Variants in ZFAT observed in about 807,000 individuals in gnomAD.
The protein encoded by ZFAT is zinc finger and AT-hook domain containing.
Under a neutral mutation model 117.7 loss-of-function variants are expected in ZFAT, and 64 were observed. The observed-to-expected ratio is 0.54, with a 90% CI of 0.44 to 0.67. The LOEUF is 0.67. Among genes scored for constraint, ZFAT ranks in the 30% least tolerant of loss-of-function variants. ZFAT has a pLI of 0.00. For missense variants in ZFAT, 1,433 were observed against 1,584.5 expected, an observed-to-expected ratio of 0.90 and a Z score of 1.62; for synonymous variants, 679 against 615.0, an observed-to-expected ratio of 1.10 and a Z score of -1.54.
intron 11 of ZFAT, 80 bp downstream of exon 11, chr8:134,565,253 G>T (rs1318247181): frequency 6.3e-7 from 1 of 1,599,790 alleles, no homozygotes. Flanking sequence ...AACAATGAAA[G>T]AATGCTCTCT....
intron 15 of ZFAT, among the ~76,000 whole-genome samples, chr8:134,487,181 T>C (rs1313322742): frequency 6.6e-6 from 1 of 152,130 alleles, no homozygotes; most frequent in Non-Finnish European, 1.5e-5. Context: ...CACTTGTGTA[T>C]CTCCATCTTT....
the ZFAT span, chr8:134,798,187 TC>T: frequency 6.6e-6 from 1 of 152,010 alleles, no homozygotes; most frequent in Non-Finnish European, 1.5e-5. Flanking sequence ...GCTAAATAAT[TC>T]ATGCCAAATG....
At chr8:134,714,430 T>C (rs955897064), upstream of ZFAT, among the ~76,000 whole-genome samples, 2 of 152,170 alleles carry the variant, frequency 1.3e-5, no homozygotes, top group South Asian at 2.1e-4. Context: ...GCCTGTTGCA[T>C]AGTCATATTA....
chr8:134,556,021 A>T (rs866266610), intron 11 of ZFAT, among the ~76,000 whole-genome samples: 3 of 107,374 alleles, frequency 2.8e-5, no homozygotes, highest in Non-Finnish European at 3.7e-5. Flanking sequence ...GGAGGGAAGG[A>T]GGGAGGGAGA....
chr8:134,654,769 G>A (rs539837870), intron 2 of ZFAT, among the ~76,000 whole-genome samples: 6 of 152,352 alleles, frequency 3.9e-5, no homozygotes, highest in South Asian at 2.1e-4. Context: ...GGACACACAC[G>A]GAAGGGGCTG....
chr8:134,635,449 C>T (rs1393426308), intron 3 of ZFAT, among the ~76,000 whole-genome samples: 1 of 152,172 alleles, frequency 6.6e-6, no homozygotes, highest in Non-Finnish European at 1.5e-5. Flanking sequence ...GAGAAGACAG[C>T]AGAAAATGAT....
chr8:134,596,215 T>C (rs1360505871), intron 7 of ZFAT, among the ~76,000 whole-genome samples: 1 of 152,108 alleles, frequency 6.6e-6, no homozygotes, highest in Non-Finnish European at 1.5e-5. Context: ...CAAAGCACAA[T>C]CACGCTATCC....
At chr8:134,736,034 AG>A in the ZFAT span, among the ~76,000 whole-genome samples, 3 of 152,178 alleles carry the variant, frequency 2.0e-5, no homozygotes, top group African/African-American at 7.2e-5. Flanking sequence ...CCTGTCCTGG[AG>A]GGAAACTGGA....
intron 1 of ZFAT, among the ~76,000 whole-genome samples, chr8:134,702,786 C>T (rs1834050500): frequency 6.6e-6 from 1 of 152,090 alleles, no homozygotes; most frequent in African/African-American, 2.4e-5. Flanking sequence ...ATTCTCCTGC[C>T]TCAGCCTCCC....
At chr8:134,701,021 A>G (rs1036793464) in intron 1 of ZFAT, among the ~76,000 whole-genome samples, 3 of 152,176 alleles carry the variant, frequency 2.0e-5, no homozygotes, top group African/African-American at 7.2e-5. Flanking sequence ...TTTATGGTAA[A>G]TACACATAAA....
intron 2 of ZFAT, among the ~76,000 whole-genome samples, chr8:134,648,044 T>C (rs1831001985): frequency 6.6e-6 from 1 of 152,074 alleles, no homozygotes; most frequent in Non-Finnish European, 1.5e-5. Context: ...TTTCACCACG[T>C]ACATACAAAA....
chr8:134,484,079 C>G (rs886403452), intron 15 of ZFAT, among the ~76,000 whole-genome samples: 1 of 152,146 alleles, frequency 6.6e-6, no homozygotes, highest in African/African-American at 2.4e-5. Context: ...TAAGAAAATC[C>G]CAGAAGTTCC....
At chr8:134,685,739 G>A (rs1270077167) in intron 1 of ZFAT, among the ~76,000 whole-genome samples, 10 of 152,114 alleles carry the variant, frequency 6.6e-5, no homozygotes, top group African/African-American at 2.4e-4. Context: ...TCAACGGGAG[G>A]GCGACATATA....
intron 3 of ZFAT, among the ~76,000 whole-genome samples, chr8:134,636,177 C>T (rs1482715327): frequency 2.0e-5 from 3 of 152,164 alleles, no homozygotes; most frequent in Admixed American, 6.5e-5. Flanking sequence ...AAGAGTCTTG[C>T]TTATTGTAGG....
At chr8:134,561,762 T>C (rs566140786) in intron 11 of ZFAT, among the ~76,000 whole-genome samples, 1 of 152,262 alleles carries the variant, frequency 6.6e-6, no homozygotes, top group African/African-American at 2.4e-5. Flanking sequence ...CTAAGATTAG[T>C]AAAAAAAGCG....
intron 2 of ZFAT, among the ~76,000 whole-genome samples, chr8:134,649,037 T>C (rs1831065494): frequency 6.6e-6 from 1 of 151,526 alleles, no homozygotes; most frequent in African/African-American, 2.4e-5. Context: ...AACCACATGG[T>C]CATCTCAACA....
chr8:134,772,808 C>A, the ZFAT span, among the ~76,000 whole-genome samples: 5 of 152,162 alleles, frequency 3.3e-5, no homozygotes, highest in Non-Finnish European at 7.3e-5. Flanking sequence ...CACCTGTAAT[C>A]TCAGTGTTTT....
chr8:134,793,443 A>G, the ZFAT span: 1 of 152,242 alleles, frequency 6.6e-6, no homozygotes, highest in Admixed American at 6.5e-5. Context: ...GTGCTACGTC[A>G]GAGGTCCCCC....
Position 134,478,841 on chromosome 8 carries a change from A to G in ZFAT, c.3493-120T>C, listed in dbSNP as rs537791674. On this transcript the variant is annotated intron_variant, in intron 15 of 15. Coordinates refer to ENST00000377838, the MANE Select transcript of ZFAT (RefSeq NM_020863.4). This position sits in a 1 kb window ranked among gnomAD's most constrained non-coding sequence, Gnocchi z 5.2. The stretch of plus-strand genomic sequence containing the variant: ...CGCTGCGGGAGCACGTCCATTCTCC[A>G]CGGATCCTCTCTACCAGGCTGTGCT... 7.2e-7 allele frequency: 1 copy of G among 1,394,710 alleles called. No individual in the cohort carries two copies. 86.4% of individuals were successfully genotyped at this position (1,394,710 alleles called of 1,614,324 possible).
Sources: allele counts gnomAD v4.1 joint callset (sites outside exome capture counted in the v4.1 genomes callset), GRCh38; gene constraint gnomAD v4.1.1; non-coding constraint Gnocchi (gnomAD v3.1); transcripts MANE v1.5; gene names NCBI Gene and HGNC (gene_info 2026-07-23, HGNC 2026-07-21).